ABI3BP: variants seen among roughly 807,000 people sequenced by gnomAD.
ABI3BP encodes the protein target of Nesh-SH3.
Under a neutral mutation model 268.6 loss-of-function variants are expected in ABI3BP, and 216 were observed. The observed-to-expected ratio is 0.80, with a 90% CI of 0.72 to 0.90. The LOEUF is 0.90. Ranked by LOEUF, ABI3BP falls within the 40% of genes least tolerant of loss-of-function variation. The pLI is 0.00. For synonymous variants in ABI3BP, 730 were observed against 730.0 expected (o/e 1.00, Z 0.00); for missense variants, 2,090 against 2,182.4 (o/e 0.96, Z 0.84).
chr3:100,840,778 G>T, intron 22 of ABI3BP, 42 bp downstream of exon 22: 1 of 1,493,564 alleles, frequency 6.7e-7, no homozygotes. Context: ...CCAGCAGACA[G>T]GAAAAGAAGA....
intron 1 of ABI3BP, among the ~76,000 whole-genome samples, chr3:100,952,401 A>T (rs1003255759): frequency 6.6e-6 from 1 of 152,194 alleles, no homozygotes; most frequent in African/African-American, 2.4e-5. Flanking sequence ...CCATAAACAT[A>T]TATGATTTTT....
At chr3:100,911,783 T>C in intron 2 of ABI3BP, 2 of 1,138,518 alleles carry the variant, frequency 1.8e-6, no homozygotes, top group Non-Finnish European at 2.7e-6. Flanking sequence ...TTATACTTGG[T>C]GTTAATAGCA....
intron 57 of ABI3BP, among the ~76,000 whole-genome samples, chr3:100,785,448 C>G (rs2097005655): frequency 6.6e-6 from 1 of 152,130 alleles, no homozygotes; most frequent in Middle Eastern, 3.2e-3. Flanking sequence ...AACATTTTTT[C>G]CTCACCAATT....
intron 4 of ABI3BP, among the ~76,000 whole-genome samples, chr3:100,889,650 C>T (rs1352454838): frequency 6.6e-6 from 1 of 152,096 alleles, no homozygotes; most frequent in Non-Finnish European, 1.5e-5. Context: ...AGCCTGCCTT[C>T]AGCAATTTCA....
chr3:100,914,914 CTG>C (rs2058076779), intron 2 of ABI3BP, among the ~76,000 whole-genome samples: 1 of 152,130 alleles, frequency 6.6e-6, no homozygotes, highest in South Asian at 2.1e-4. Context: ...TACTCTCATT[CTG>C]TGAGAGTTGG....
Position 100,830,590 on chromosome 3 carries a change from C to G in ABI3BP, c.2446G>C (p.Gly816Arg). ...AATGTGCCATTACCTGCTGTTGTCC[C>G]TGAAGCCTCAGTTCTAAGAACTGGT... The part of the protein sequence containing the change: ...LEPVLRTEAS[G>R]TTAAPKVPQR... The change falls in exon 32 of 68, where the codon GGG (glycine) becomes CGG (arginine). Residue 816 changes from glycine (G) to arginine (R), a missense_variant. Physicochemically the swap from Gly to Arg is moderately radical, Grantham distance 125. Transcript: ENST00000471714. The G allele has an allele frequency of 6.5e-7, 1 of 1,533,722 alleles. No homozygotes were observed.
intron 1 of ABI3BP, among the ~76,000 whole-genome samples, chr3:100,929,206 G>A (rs558670101): frequency 3.9e-5 from 6 of 152,186 alleles, no homozygotes; most frequent in Admixed American, 2.0e-4. Flanking sequence ...AGAGCCAACA[G>A]TCACAGCATC....
At chr3:100,920,506 C>A (rs1185530585) in intron 2 of ABI3BP, among the ~76,000 whole-genome samples, 2 of 152,070 alleles carry the variant, frequency 1.3e-5, no homozygotes, top group African/African-American at 2.4e-5. Context: ...TCACTGCAAC[C>A]TCCCCCTCCC....
intron 51 of ABI3BP, among the ~76,000 whole-genome samples, chr3:100,800,405 T>A (rs936941294): frequency 6.6e-6 from 1 of 152,156 alleles, no homozygotes; most frequent in African/African-American, 2.4e-5. Flanking sequence ...ATGAATCCAA[T>A]TTACATTAAG....
intron 2 of ABI3BP, chr3:100,911,547 TTTATC>T (rs1482731669): frequency 1.2e-5 from 7 of 592,118 alleles, no homozygotes; most frequent in Non-Finnish European, 2.2e-5. Context: ...CATTACATAT[TTTATC>T]TTATGTACCT....
chr3:100,774,739 G>T (rs984259229), intron 60 of ABI3BP, 66 bp from the exon 61 acceptor site: 6 of 1,212,246 alleles, frequency 4.9e-6, no homozygotes, highest in Non-Finnish European at 6.9e-6. Flanking sequence ...CAATGAAAAA[G>T]TTGTAGACTA....
intron 1 of ABI3BP, among the ~76,000 whole-genome samples, chr3:100,944,759 C>A (rs1001819109): frequency 1.3e-5 from 2 of 152,096 alleles, no homozygotes; most frequent in Admixed American, 1.3e-4. Flanking sequence ...ATGGTATATA[C>A]TTGTTCATTT....
chr3:100,837,376 T>G (rs2098610704), intron 26 of ABI3BP: 1 of 460,784 alleles, frequency 2.2e-6, no homozygotes, highest in Admixed American at 4.1e-5. Context: ...GGGAGAAAAT[T>G]TCAACTGCAA....
chr3:100,992,949 G>A (rs981469245), intron 1 of ABI3BP, among the ~76,000 whole-genome samples: 1 of 152,194 alleles, frequency 6.6e-6, no homozygotes, highest in Non-Finnish European at 1.5e-5. Context: ...TTCAGTCTCT[G>A]GGGAGGAGGA....
intron 4 of ABI3BP, among the ~76,000 whole-genome samples, chr3:100,895,968 C>T (rs1031538844): frequency 2.0e-5 from 3 of 152,070 alleles, no homozygotes; most frequent in Non-Finnish European, 4.4e-5. Flanking sequence ...ATTAACTATG[C>T]TAATTAGGGA....
intron 24 of ABI3BP, 146 bp downstream of exon 24, chr3:100,839,423 C>T (rs2098658511): frequency 3.3e-6 from 3 of 895,592 alleles, no homozygotes; most frequent in East Asian, 5.4e-5. Flanking sequence ...TCTTTAGGAT[C>T]TTCAGACCCA....
Position 100,832,254 on chromosome 3 carries a change from A to T in ABI3BP, c.2401+10T>A, listed in dbSNP as rs1300803931. 1 of 1,534,570 alleles carries T rather than the reference A, an allele frequency of 6.5e-7. No individual in the cohort carries two copies. Among genetic ancestry groups the T allele is most frequent in the Non-Finnish European group, 8.7e-7 (1 of 1,145,690 alleles). On this transcript the variant is annotated intron_variant, in intron 31 of 67. Transcript: ENST00000471714. ...GCTTGGATTCTACAAAACAGAAACT[A>T]CATATTTACCCAGTTTAGTTTGAGG...
chr3:100,750,534 C>T lies in ABI3BP; in HGVS notation c.5322G>A (p.Gln1774=). ...GAATTGTAGTCCCACATTCATACCA[C>T]TGAACATAATTGATTTGGGTGTGAC... ...IGGHTQINYV[Q]WYECGTTIPG... is the part of the protein sequence containing the mutation. The change falls in exon 68 of 68, where the codon CAG becomes CAA. Residue 1774 remains glutamine (Q), a synonymous_variant. Coordinates refer to ENST00000471714, the MANE Select transcript of ABI3BP (RefSeq NM_001375547.2). The T allele has an allele frequency of 6.2e-7, 1 of 1,613,330 alleles. No individual in the cohort carries two copies. The highest frequency in any genetic ancestry group is 8.5e-7 in the Non-Finnish European group (1 of 1,179,460).
intron 20 of ABI3BP, among the ~76,000 whole-genome samples, chr3:100,843,310 G>T (rs2098728393): frequency 6.6e-6 from 1 of 152,120 alleles, no homozygotes; most frequent in African/African-American, 2.4e-5. Flanking sequence ...GATTTCTCAA[G>T]AACTTGTGCA....
Sources: allele counts gnomAD v4.1 joint callset (sites outside exome capture counted in the v4.1 genomes callset), GRCh38; gene constraint gnomAD v4.1.1; transcripts MANE v1.5; gene names NCBI Gene and HGNC (gene_info 2026-07-23, HGNC 2026-07-21).